DMXL2: variants seen among roughly 807,000 people sequenced by gnomAD.
DMXL2 encodes Dmx like 2, also known as dmX-like protein 2.
In DMXL2, 103 loss-of-function variants were observed where a neutral mutation model predicts 331.1. That is an observed-to-expected ratio of 0.31 (90% CI 0.27 to 0.37). The LOEUF is 0.37. DMXL2 is among the 10% of genes least tolerant of loss of function. The pLI, the probability that DMXL2 is intolerant of heterozygous loss-of-function variation, is 1.00. For synonymous variants in DMXL2, 1,281 were observed against 1,252.1 expected (o/e 1.02, Z -0.49); for missense variants, 3,171 against 3,642.9 (o/e 0.87, Z 3.33).
At chr15:51,470,674 GAGCTC>G (rs2041020189) in intron 29 of DMXL2, among the ~76,000 whole-genome samples, 2 of 152,146 alleles carry the variant, frequency 1.3e-5, no homozygotes, top group African/African-American at 4.8e-5. Context: ...GGAGAATCAT[GAGCTC>G]AAAAGAGCAA....
At chr15:51,563,358 T>C (rs1279669050) in intron 6 of DMXL2, 23 bp downstream of exon 6, 4 of 1,534,912 alleles carry the variant, frequency 2.6e-6, no homozygotes, top group Non-Finnish European at 3.6e-6. Context: ...GTTTATTTCG[T>C]ATGTTTTTGT....
At position 51,605,067 on chromosome 15, in the gene DMXL2, T is replaced by C. The variant is rs148151620; in HGVS notation, c.87+17392A>G. ...AAAAAAAAAATCTAATCTGATATTT[T>C]ACACAAAAATTAACTCAAAATGAAT... On this transcript the variant is annotated intron_variant, in intron 1 of 43. Transcript: ENST00000560891. 8.3e-3 allele frequency among the ~76,000 whole-genome samples: 1,264 copies of C among 152,180 alleles called. 14 individuals carry two copies. Among genetic ancestry groups the C allele is most frequent in the African/African-American group, 0.029 (1,218 of 41,504 alleles).
intron 2 of DMXL2, 50 bp downstream of exon 2, chr15:51,576,003 GATT>G: frequency 5.3e-6 from 8 of 1,511,488 alleles, no homozygotes; most frequent in Non-Finnish European, 6.3e-6. Flanking sequence ...AAGATTCTGA[GATT>G]ATTAAACACA....
At chr15:51,553,255 A>T (rs937087873) in intron 6 of DMXL2, among the ~76,000 whole-genome samples, 1 of 152,208 alleles carries the variant, frequency 6.6e-6, no homozygotes, top group African/African-American at 2.4e-5. Context: ...ACAACAGTTC[A>T]GGGTATATGG....
At chr15:51,561,964 T>C (rs538684481) in intron 6 of DMXL2, among the ~76,000 whole-genome samples, 15 of 152,280 alleles carry the variant, frequency 9.9e-5, no homozygotes, top group African/African-American at 3.1e-4. Context: ...TTCTCAATCT[T>C]ATGTGGGAGC....
At chr15:51,569,682 C>A (rs1162344430) in intron 2 of DMXL2, among the ~76,000 whole-genome samples, 2 of 152,178 alleles carry the variant, frequency 1.3e-5, no homozygotes, top group Non-Finnish European at 2.9e-5. Context: ...GATACCCAGG[C>A]AAACAGGGTC....
chr15:51,619,954 A>C (rs907257620), intron 1 of DMXL2, among the ~76,000 whole-genome samples: 4 of 152,212 alleles, frequency 2.6e-5, no homozygotes, highest in Non-Finnish European at 4.4e-5. Flanking sequence ...CCCCCTTTTA[A>C]TCATCTGATC....
At chr15:51,613,820 A>T (rs1486341553) in intron 1 of DMXL2, among the ~76,000 whole-genome samples, 1 of 152,154 alleles carries the variant, frequency 6.6e-6, no homozygotes, top group Non-Finnish European at 1.5e-5. Flanking sequence ...TATTCTTAAA[A>T]TTTCTTTAAC....
At chr15:51,546,349 C>G (rs2048889232) in intron 7 of DMXL2, among the ~76,000 whole-genome samples, 1 of 152,068 alleles carries the variant, frequency 6.6e-6, no homozygotes, top group Admixed American at 6.6e-5. Context: ...AATGCTCACA[C>G]AGAATCTAAG....
chr15:51,603,855 G>A (rs781510459), intron 1 of DMXL2, among the ~76,000 whole-genome samples: 1 of 151,168 alleles, frequency 6.6e-6, no homozygotes, highest in Non-Finnish European at 1.5e-5. Flanking sequence ...GTGACACAGT[G>A]AGACTCCGTC....
At position 51,480,858 on chromosome 15, in the gene DMXL2, G is replaced by A; in HGVS notation, c.6248C>T (p.Ala2083Val). ...LYNWLEKEIA[A>V]LHEICNHESV... ...TTCATGATTACATATCTCATGCAAG[G>A]CAGCAATTTCCTTTTCAAGCCAGTT... Residue 2083 changes from alanine (A) to valine (V), a missense_variant, in exon 24 of 44, where the codon GCC (alanine) becomes GTC (valine). This residue lies in a region of DMXL2 where 197 missense variants were observed against 196.2 expected (regional missense o/e 1.00). Coordinates refer to ENST00000560891, the MANE Select transcript of DMXL2 (RefSeq NM_001378457.1). 1 of 1,613,060 alleles carries A rather than the reference G, an allele frequency of 6.2e-7. No individual in the cohort carries two copies.
chr15:51,597,066 TATA>T (rs1208981437), intron 1 of DMXL2, among the ~76,000 whole-genome samples: 7 of 151,926 alleles, frequency 4.6e-5, no homozygotes, highest in East Asian at 1.9e-4. Context: ...AAACTTAAAG[TATA>T]ATAATAATAA....
chr15:51,474,254 C>T (rs1384785050), intron 28 of DMXL2, 90 bp downstream of exon 28: 2 of 1,306,282 alleles, frequency 1.5e-6, no homozygotes, highest in African/African-American at 3.0e-5. Context: ...CGCTTATTTT[C>T]AAAGTGAAAT....
In DMXL2 at chr15:51,450,111, C is replaced by G. The variant is rs745921744; in HGVS notation, c.8967+18G>C. The G allele has an allele frequency of 8.7e-6, 14 of 1,608,846 alleles. No individual in the cohort carries two copies. Among genetic ancestry groups the G allele is most frequent in the Non-Finnish European group, 1.1e-5 (13 of 1,176,078 alleles). ...CCAATCAGTCTTTAGCACATTCCAACCTCTTGTACTGACTCACCTTTATGT... is the reference window on the plus strand; with the variant it reads ...CCAATCAGTCTTTAGCACATTCCAAGCTCTTGTACTGACTCACCTTTATGT... On this transcript the variant is annotated intron_variant, in intron 43 of 43. Coordinates refer to ENST00000560891, the MANE Select transcript of DMXL2 (RefSeq NM_001378457.1).
At chr15:51,553,341 T>C (rs1469646298) in intron 6 of DMXL2, among the ~76,000 whole-genome samples, 1 of 152,350 alleles carries the variant, frequency 6.6e-6, no homozygotes, top group South Asian at 2.1e-4. Context: ...ATCAACTTTT[T>C]GTCCAAAATG....
chr15:51,491,769 A>T (rs2042817789), intron 19 of DMXL2, 22 bp from the exon 20 acceptor site: 2 of 1,583,290 alleles, frequency 1.3e-6, no homozygotes, highest in East Asian at 4.5e-5. Context: ...ATATAAAATA[A>T]TAATCTGCGT....
At chr15:51,561,959 A>C (rs571265160) in intron 6 of DMXL2, among the ~76,000 whole-genome samples, 1 of 152,334 alleles carries the variant, frequency 6.6e-6, no homozygotes, top group East Asian at 1.9e-4. Flanking sequence ...TTATTTTCTC[A>C]ATCTTATGTG....
At chr15:51,460,689 C>T (rs1595893993) in intron 33 of DMXL2, 1 of 152,114 alleles carries the variant, frequency 6.6e-6, no homozygotes, top group East Asian at 1.9e-4. Context: ...TTACCAAAAT[C>T]CTATTTGACA....
chr15:51,539,369 T>C (rs1171288960), intron 9 of DMXL2, among the ~76,000 whole-genome samples: 2 of 152,182 alleles, frequency 1.3e-5, no homozygotes, highest in Non-Finnish European at 1.5e-5. Flanking sequence ...TTCTTCCAAC[T>C]TTTCTCAGTG....
Sources: allele counts gnomAD v4.1 joint callset (sites outside exome capture counted in the v4.1 genomes callset), GRCh38; gene constraint gnomAD v4.1.1; regional missense constraint gnomAD v4.1.1; transcripts MANE v1.5; gene names NCBI Gene and HGNC (gene_info 2026-07-23, HGNC 2026-07-21).